Variants in TLN2 observed in about 807,000 individuals in gnomAD.
The protein encoded by TLN2 is talin-2.
Under a neutral mutation model 294.7 loss-of-function variants are expected in TLN2, and 118 were observed. The observed-to-expected ratio is 0.40, with a 90% CI of 0.34 to 0.47. The LOEUF (loss-of-function observed/expected upper bound fraction) is 0.47, where lower values mean the gene tolerates loss of function less well. Among genes scored for constraint, TLN2 ranks in the 20% least tolerant of loss-of-function variants. The pLI is 0.84. For missense variants in TLN2, 3,083 were observed against 3,282.2 expected (o/e 0.94, Z 1.48); for synonymous variants, 1,431 against 1,304.5 (o/e 1.10, Z -2.09).
chr15:62,566,393 G>C (rs2043395730), intron 1 of TLN2, among the ~76,000 whole-genome samples: 1 of 152,078 alleles, frequency 6.6e-6, no homozygotes, highest in Non-Finnish European at 1.5e-5. Flanking sequence ...CATTCCCAGG[G>C]AGAGAGAAGG....
chr15:62,814,149 G>T (rs549498587), intron 52 of TLN2, among the ~76,000 whole-genome samples: 1 of 152,124 alleles, frequency 6.6e-6, no homozygotes, highest in African/African-American at 2.4e-5. Flanking sequence ...AGACATAAAA[G>T]AATAGAGTCA....
chr15:62,813,514 G>A (rs2066854276), intron 52 of TLN2, among the ~76,000 whole-genome samples: 1 of 152,096 alleles, frequency 6.6e-6, no homozygotes, highest in Non-Finnish European at 1.5e-5. Flanking sequence ...CCTTGAGACT[G>A]AAAAGATCCA....
chr15:62,490,215 T>C (rs2038634178), intron 1 of TLN2, among the ~76,000 whole-genome samples: 1 of 152,242 alleles, frequency 6.6e-6, no homozygotes, highest in African/African-American at 2.4e-5. Context: ...GCGATAGATA[T>C]ATTAACCACT....
Position 62,766,391 on chromosome 15 carries a change from C to A in TLN2, c.5165C>A (p.Ala1722Asp), listed in dbSNP as rs2063006562. The A allele has an allele frequency of 6.2e-7, 1 of 1,612,226 alleles. No homozygotes were observed. Among genetic ancestry groups the A allele is most frequent in the Admixed American group, 1.7e-5 (1 of 59,982 alleles). ...GHLIDPIATA[A>D]RGEAAQLGHK... ...CTTATCGATCCCATCGCCACAGCGG[C>A]TCGGGGAGAAGCAGCTCAGCTGGGA... is the stretch of plus-strand genomic sequence containing the variant. Residue 1722 changes from alanine (A) to aspartate (D), a missense_variant, in exon 41 of 59, where the codon GCT becomes GAT. Ala to Asp is a moderately radical substitution (Grantham distance 126, BLOSUM62 -2). Coordinates refer to ENST00000636159, the MANE Select transcript of TLN2 (RefSeq NM_015059.3).
intron 11 of TLN2, among the ~76,000 whole-genome samples, chr15:62,683,635 A>G (rs2141033917): frequency 6.6e-6 from 1 of 152,282 alleles, no homozygotes; most frequent in Non-Finnish European, 1.5e-5. Context: ...TTTCAAAACA[A>G]AAACAATCTA....
At chr15:62,517,512 A>T (rs902489413) in intron 1 of TLN2, among the ~76,000 whole-genome samples, 1 of 152,198 alleles carries the variant, frequency 6.6e-6, no homozygotes, top group African/African-American at 2.4e-5. Flanking sequence ...CAGTGGAGAA[A>T]AATGAGGTGG....
intron 3 of TLN2, chr15:62,638,407 C>T: frequency 5.2e-6 from 2 of 387,162 alleles, no homozygotes; most frequent in South Asian, 3.8e-5. Context: ...ATCTTTATGA[C>T]CAACAATATA....
intron 28 of TLN2, among the ~76,000 whole-genome samples, chr15:62,736,202 C>T (rs1275739372): frequency 6.6e-6 from 1 of 151,914 alleles, no homozygotes; most frequent in Admixed American, 6.6e-5. Context: ...CATCTGTAGT[C>T]CCAGATACTT....
chr15:62,821,204 C>G (rs778572446), intron 54 of TLN2, among the ~76,000 whole-genome samples: 8 of 152,228 alleles, frequency 5.3e-5, no homozygotes, highest in Non-Finnish European at 1.0e-4. Context: ...AGGACACTTT[C>G]TAAATAAAAG....
chr15:62,479,272 T>C (rs1254559970), intron 1 of TLN2, among the ~76,000 whole-genome samples: 1 of 152,158 alleles, frequency 6.6e-6, no homozygotes, highest in East Asian at 1.9e-4. Context: ...GTACCCTCTA[T>C]TCTCTGGGCT....
intron 14 of TLN2, among the ~76,000 whole-genome samples, chr15:62,697,143 T>C (rs937924274): frequency 2.0e-5 from 3 of 152,258 alleles, no homozygotes; most frequent in African/African-American, 7.2e-5. Context: ...AGTCTCACTC[T>C]TTTGCCCAGG....
intron 1 of TLN2, among the ~76,000 whole-genome samples, chr15:62,495,534 A>G (rs1014067941): frequency 1.3e-5 from 2 of 152,262 alleles, no homozygotes; most frequent in Admixed American, 1.3e-4. Flanking sequence ...TGCCATAAGC[A>G]AGGGAAAGAA....
At chr15:62,819,251 G>T (rs2067359060) in intron 52 of TLN2, among the ~76,000 whole-genome samples, 1 of 152,178 alleles carries the variant, frequency 6.6e-6, no homozygotes, top group African/African-American at 2.4e-5. Flanking sequence ...AGAAAACAAG[G>T]ACTTTGTCTC....
chr15:62,518,200 C>T (rs1022596772), intron 1 of TLN2, among the ~76,000 whole-genome samples: 1 of 152,036 alleles, frequency 6.6e-6, no homozygotes, highest in African/African-American at 2.4e-5. Flanking sequence ...CACCACGTCC[C>T]GCTAGTTTTT....
At chr15:62,498,405 G>A (rs2039130528) in intron 1 of TLN2, among the ~76,000 whole-genome samples, 1 of 152,108 alleles carries the variant, frequency 6.6e-6, no homozygotes, top group Non-Finnish European at 1.5e-5. Context: ...CTTGCCTGTT[G>A]TTGTTTTACT....
intron 51 of TLN2, among the ~76,000 whole-genome samples, chr15:62,808,343 T>C (rs1246608472): frequency 6.6e-6 from 1 of 152,236 alleles, no homozygotes; most frequent in Non-Finnish European, 1.5e-5. Context: ...ATACCCTTAA[T>C]GAATATTATC....
chr15:62,415,444 T>C (rs2140261837), intron 1 of TLN2, among the ~76,000 whole-genome samples: 1 of 142,654 alleles, frequency 7.0e-6, no homozygotes, highest in South Asian at 2.7e-4. Context: ...ATTGTAACAG[T>C]TGAAACAGAG....
intron 45 of TLN2, chr15:62,784,956 AG>A: frequency 6.6e-6 from 1 of 152,140 alleles, no homozygotes; most frequent in Non-Finnish European, 1.5e-5. Context: ...AGACTCCGAG[AG>A]ATATTCCAGA....
At chr15:62,629,372 A>G (rs562344212) in intron 3 of TLN2, among the ~76,000 whole-genome samples, 1 of 152,306 alleles carries the variant, frequency 6.6e-6, no homozygotes, top group South Asian at 2.1e-4. Flanking sequence ...TAGTGCTTCC[A>G]TGTCAGCCAT....
Sources: gnomAD v4.1 joint callset for allele counts (sites outside exome capture counted in the v4.1 genomes callset) on GRCh38, gnomAD v4.1.1 for gene constraint, MANE v1.5 for transcripts, NCBI Gene and HGNC (gene_info 2026-07-23, HGNC 2026-07-21) for gene names.